The following CHODL variants were observed in gnomAD, a reference collection of about 807,000 sequenced individuals.
CHODL encodes the protein chondrolectin.
In CHODL, 29 loss-of-function variants were observed where a neutral mutation model predicts 34.5. The observed-to-expected ratio is 0.84, with a 90% CI of 0.63 to 1.15. The LOEUF (loss-of-function observed/expected upper bound fraction) is 1.15, where lower values mean the gene tolerates loss of function less well. CHODL is among the 50% of genes most tolerant of loss of function. CHODL has a pLI of 0.00. For synonymous variants in CHODL, 125 were observed against 116.1 expected (o/e 1.08, Z -0.49); for missense variants, 332 against 332.5 (o/e 1.00, Z 0.01).
intron 1 of CHODL, among the ~76,000 whole-genome samples, chr21:17,935,078 C>T (rs965507683): frequency 2.0e-5 from 3 of 152,146 alleles, no homozygotes; most frequent in African/African-American, 7.2e-5. Context: ...TTATTCCTGG[C>T]AGCCAGGAGA....
intron 2 of CHODL, among the ~76,000 whole-genome samples, chr21:18,128,590 A>T (rs890264979): frequency 6.6e-6 from 1 of 152,092 alleles, no homozygotes; most frequent in African/African-American, 2.4e-5. Flanking sequence ...TGTTATTGGA[A>T]AGTGGATGGT....
intron 2 of CHODL, among the ~76,000 whole-genome samples, chr21:18,197,359 C>CCAGCT (rs1296572365): frequency 6.6e-6 from 1 of 152,068 alleles, no homozygotes; most frequent in Non-Finnish European, 1.5e-5. Flanking sequence ...GCCTCTAATC[C>CCAGCT]CAGCTCTTTG....
At chr21:18,105,296 C>T (rs990850827) in intron 2 of CHODL, among the ~76,000 whole-genome samples, 3 of 152,140 alleles carry the variant, frequency 2.0e-5, no homozygotes, top group African/African-American at 7.2e-5. Context: ...GCATTCAGGA[C>T]CAGCTGTAGC....
At chr21:18,102,598 A>G (rs1163793711) in intron 2 of CHODL, among the ~76,000 whole-genome samples, 1 of 152,174 alleles carries the variant, frequency 6.6e-6, no homozygotes, top group Non-Finnish European at 1.5e-5. Flanking sequence ...GTGCTGTTTA[A>G]CAAAAAATCA....
intron 2 of CHODL, among the ~76,000 whole-genome samples, chr21:18,050,781 C>G (rs912857062): frequency 2.6e-5 from 4 of 151,598 alleles, no homozygotes; most frequent in Non-Finnish European, 5.9e-5. Context: ...TTAGGTTATC[C>G]TAGAAGAATT....
intron 2 of CHODL, among the ~76,000 whole-genome samples, chr21:18,097,424 C>T (rs955976483): frequency 1.3e-5 from 2 of 151,920 alleles, no homozygotes; most frequent in African/African-American, 4.8e-5. Flanking sequence ...TTCTACATGC[C>T]AACAGTGAAC....
At chr21:18,156,207 C>T (rs995564575) in intron 2 of CHODL, among the ~76,000 whole-genome samples, 9 of 152,182 alleles carry the variant, frequency 5.9e-5, no homozygotes, top group African/African-American at 1.4e-4. Context: ...AGGCAACTTA[C>T]GTTCAATCAA....
In CHODL at chr21:18,070,032, C is replaced by CG. The variant is rs1568870146; in HGVS notation, c.-45+42061_-45+42062insG. On this transcript the variant is annotated intron_variant, in intron 2 of 6. Transcript: ENST00000400127. ...CCCTTCCCTTCCCTTCCCTCCCCCC[C>CG]CCCACCCATTTCCTTTGCTTTCCTG... Among the ~76,000 whole-genome samples, 3 of 104,672 alleles carry CG rather than the reference C, an allele frequency of 2.9e-5. 1 individual carries two copies. The highest frequency in any genetic ancestry group is 6.4e-5 in the Non-Finnish European group (3 of 47,214). The allele number at this position is 104,672 out of a possible 152,430, so 68.7% of individuals were successfully genotyped here. A position where few individuals can be genotyped will look rare whatever the true frequency, so the allele number is the denominator to read the frequency against.
intron 2 of CHODL, among the ~76,000 whole-genome samples, chr21:18,102,087 A>G (rs529772351): frequency 2.4e-4 from 36 of 152,342 alleles, no homozygotes; most frequent in Non-Finnish European, 4.6e-4. Flanking sequence ...GCTCAGAATC[A>G]TAAGAAACAG....
intron 2 of CHODL, among the ~76,000 whole-genome samples, chr21:18,104,781 T>C (rs2065254680): frequency 6.6e-6 from 1 of 152,200 alleles, no homozygotes; most frequent in South Asian, 2.1e-4. Context: ...CAGCAACACA[T>C]GTTTAAATTC....
chr21:18,106,419 C>T (rs2065272412), intron 2 of CHODL, among the ~76,000 whole-genome samples: 1 of 152,140 alleles, frequency 6.6e-6, no homozygotes, highest in Non-Finnish European at 1.5e-5. Flanking sequence ...CCTTCACTGG[C>T]ACAGCATAAA....
chr21:18,136,119 GAAAAAGAAAAA>G (rs2072723007), intron 2 of CHODL, among the ~76,000 whole-genome samples: 1 of 134,366 alleles, frequency 7.4e-6, no homozygotes, highest in Non-Finnish European at 1.5e-5. Flanking sequence ...AAAAAAAAAA[GAAAAAGAAAAA>G]AAAGAAAAAA....
intron 1 of CHODL, among the ~76,000 whole-genome samples, chr21:17,973,592 AT>A (rs34010355): frequency 0.2 from 30,097 of 148,286 alleles, 3,589 homozygotes; most frequent in African/African-American, 0.33. Flanking sequence ...AATTTTTTGT[AT>A]TTTTTTTTAG....
intron 2 of CHODL, among the ~76,000 whole-genome samples, chr21:18,167,211 C>CTGTG (rs71329776): frequency 0.02 from 1,728 of 88,054 alleles, 17 homozygotes; most frequent in African/African-American, 0.036. Context: ...TTCTCTCTCT[C>CTGTG]TGTGTGTGTG....
chr21:18,011,772 C>T (rs2064021768), intron 1 of CHODL, among the ~76,000 whole-genome samples: 1 of 152,152 alleles, frequency 6.6e-6, no homozygotes, highest in Non-Finnish European at 1.5e-5. Flanking sequence ...TTCTTTTGAA[C>T]TGTTGATAGT....
rs17002337 is a variant in CHODL at position 18,118,206 on chromosome 21, T to C, written c.-45+90235T>C. ...TAGGAGAGCTTCTGTCTTAATTCGC[T>C]CAGTAAATGTTTATTGAGCCTCAAT... is the stretch of plus-strand genomic sequence containing the variant. On this transcript the variant is annotated intron_variant, in intron 2 of 6. Transcript: ENST00000400127. Among the ~76,000 whole-genome samples the C allele has an allele frequency of 8.2e-3, 1,245 of 152,318 alleles. 17 individuals carry two copies. The highest frequency in any genetic ancestry group is 0.028 in the African/African-American group (1,184 of 41,572).
chr21:18,264,591 G>C (rs2074426438), intron 5 of CHODL, among the ~76,000 whole-genome samples: 1 of 139,130 alleles, frequency 7.2e-6, no homozygotes, highest in Admixed American at 7.1e-5. Flanking sequence ...GACAGAGTGA[G>C]GGTCTGTCTC....
intron 1 of CHODL, among the ~76,000 whole-genome samples, chr21:17,963,685 C>T (rs960903041): frequency 1.3e-5 from 2 of 152,134 alleles, no homozygotes; most frequent in Admixed American, 1.3e-4. Flanking sequence ...GGGGATGTAG[C>T]CAAACCATAT....
chr21:18,181,054 A>T (rs1451562838), intron 2 of CHODL, among the ~76,000 whole-genome samples: 1 of 152,202 alleles, frequency 6.6e-6, no homozygotes, highest in Non-Finnish European at 1.5e-5. Flanking sequence ...TACTAATATT[A>T]TTTAGGCATT....
Sources: allele counts gnomAD v4.1 joint callset (sites outside exome capture counted in the v4.1 genomes callset), GRCh38; gene constraint gnomAD v4.1.1; transcripts MANE v1.5; gene names NCBI Gene and HGNC (gene_info 2026-07-23, HGNC 2026-07-21).